Variants in CTBP1 observed in about 807,000 individuals in gnomAD.
CTBP1 encodes C-terminal-binding protein 1.
Under a neutral mutation model 42.1 loss-of-function variants are expected in CTBP1, and 11 were observed. The ratio of observed to expected loss-of-function variants is 0.26; its 90% CI spans 0.16 to 0.43. The LOEUF (loss-of-function observed/expected upper bound fraction) is 0.43, where lower values mean the gene tolerates loss of function less well. Among genes scored for constraint, CTBP1 ranks in the 20% least tolerant of loss-of-function variants. The pLI is 1.00. For missense variants in CTBP1, 399 were observed against 624.3 expected (o/e 0.64, Z 3.85); for synonymous variants, 324 against 277.1 (o/e 1.17, Z -1.68).
At chr4:1,213,434 C>T in intron 8 of CTBP1, 44 bp downstream of exon 8, 2 of 1,600,996 alleles carry the variant, frequency 1.2e-6, no homozygotes, top group East Asian at 4.5e-5. Flanking sequence ...CTGGGGCTGG[C>T]AGGAAGGGAC....
At chr4:1,218,528 C>T (rs1195972978) in intron 5 of CTBP1, 1 of 152,128 alleles carries the variant, frequency 6.6e-6, no homozygotes, top group East Asian at 1.9e-4. Context: ...CAGCCAGAAT[C>T]GGGGGGCGTA....
intron 3 of CTBP1, among the ~76,000 whole-genome samples, chr4:1,228,731 G>A (rs533644811): frequency 3.3e-5 from 5 of 152,182 alleles, no homozygotes; most frequent in African/African-American, 7.2e-5. Flanking sequence ...GGGGGGGTGC[G>A]GCCACACCCA....
Position 1,247,541 on chromosome 4 carries a change from C to T in CTBP1, c.-189+1375G>A, listed in dbSNP as rs576500724. The stretch of plus-strand genomic sequence containing the variant: ...AAGTTCCAGGACACAGAAAGGGGGA[C>T]CCCCAAACCGCAGCTGTCATCCTCA... On this transcript the variant is annotated intron_variant, in intron 1 of 9. Transcript: ENST00000382952. Among the ~76,000 whole-genome samples, 9 of 152,194 alleles carry T rather than the reference C, an allele frequency of 5.9e-5. No homozygotes were observed. In the South Asian group the frequency reaches 1.9e-3, roughly 32 times the overall value.
At chr4:1,237,990 C>T (rs558892623) in intron 3 of CTBP1, 193 bp downstream of exon 3, 12 of 772,274 alleles carry the variant, frequency 1.6e-5, no homozygotes, top group East Asian at 2.7e-5. Flanking sequence ...AGGGCAAACC[C>T]GATGTCCACC....
Position 1,211,933 on chromosome 4 carries a change from G to C in CTBP1, c.*307C>G, listed in dbSNP as rs1194526526. On this transcript the variant is annotated 3_prime_UTR_variant, in exon 10 of 10. Transcript: ENST00000382952. ...AAATGCTCCTTCAGGTTTTCTTTTTGTTGACAGCTAAGCAAACAGATCCTT... is the reference window on the plus strand; with the variant it reads ...AAATGCTCCTTCAGGTTTTCTTTTTCTTGACAGCTAAGCAAACAGATCCTT... 2 of 224,884 alleles carry C rather than the reference G, an allele frequency of 8.9e-6. No individual in the cohort carries two copies. Among genetic ancestry groups the C allele is most frequent in the Non-Finnish European group, 1.7e-5 (2 of 117,924 alleles). The allele number at this position is 224,884 out of a possible 1,614,324, so 13.9% of individuals were successfully genotyped here.
At chr4:1,237,039 T>C (rs1341842627) in intron 3 of CTBP1, 13 of 648,394 alleles carry the variant, frequency 2.0e-5, no homozygotes, top group Admixed American at 4.3e-5. Flanking sequence ...CACCTCCTGA[T>C]GGCGCTCAGG....
rs1044256153 is a variant in CTBP1, at chr4:1,228,413, G to A, written c.163-70C>T. The stretch of plus-strand genomic sequence containing the variant: ...CTCGGGCTTGGCCTTCGGGGGTGGG[G>A]CTGCCCCGGCTGGGAAATTAGCCTG... On this transcript the variant is annotated intron_variant, in intron 3 of 9. Coordinates refer to ENST00000382952, the MANE Select transcript of CTBP1 (RefSeq NM_001012614.2). 14 of 1,539,186 alleles carry A rather than the reference G, an allele frequency of 9.1e-6. No homozygotes were observed. In the Admixed American group the frequency reaches 2.4e-4, roughly 27 times the overall value.
Position 1,238,065 on chromosome 4 carries a change from G to A in CTBP1, c.162+118C>T. On this transcript the variant is annotated intron_variant, in intron 3 of 9. Transcript: ENST00000382952. This position sits in a 1 kb window ranked among gnomAD's most constrained non-coding sequence, Gnocchi z 5.9. ...GACGGCGCGGGACGACTGGGACAGA[G>A]GCTGCTCCTGCCCCAGTGGCACCCA... 7.5e-7 allele frequency: 1 copy of A among 1,336,024 alleles called. No homozygotes were observed. Among genetic ancestry groups the A allele is most frequent in the Non-Finnish European group, 1.1e-6 (1 of 935,958 alleles). 82.8% of individuals were successfully genotyped at this position (1,336,024 alleles called of 1,614,324 possible). A position where few individuals can be genotyped will look rare whatever the true frequency, so the allele number is the denominator to read the frequency against.
intron 1 of CTBP1, among the ~76,000 whole-genome samples, chr4:1,248,303 C>A (rs933288476): frequency 6.6e-6 from 1 of 151,808 alleles, no homozygotes; most frequent in Admixed American, 6.6e-5. Context: ...TCCCGCGTCA[C>A]CGCCGGGGGC....
chr4:1,222,947 T>A (rs1729916252), intron 5 of CTBP1, among the ~76,000 whole-genome samples: 1 of 151,654 alleles, frequency 6.6e-6, no homozygotes, highest in Admixed American at 6.6e-5. Context: ...CCCCCCCACA[T>A]CCCACAGTCC....
chr4:1,228,698 T>A (rs1730647278), intron 3 of CTBP1, among the ~76,000 whole-genome samples: 2 of 129,020 alleles, frequency 1.6e-5, no homozygotes, highest in Non-Finnish European at 3.4e-5. Flanking sequence ...AGAAACGGGG[T>A]CCCGCCTGGC....
At position 1,222,805 on chromosome 4, in the gene CTBP1, G is replaced by A. The variant is rs966162176; in HGVS notation, c.514+2555C>T. ...CTCAGAGTGGCCACGGGAAGAGCCC[G>A]GGGCCTTCAGGGCCGGGACCACAGA... On this transcript the variant is annotated intron_variant, in intron 5 of 9. Coordinates refer to ENST00000382952, the MANE Select transcript of CTBP1 (RefSeq NM_001012614.2). Among the ~76,000 whole-genome samples the A allele has an allele frequency of 1.4e-4, 21 of 152,216 alleles. 1 individual carries two copies. The highest frequency in any genetic ancestry group is 3.9e-4 in the East Asian group (2 of 5,162).
chr4:1,212,674 G>A (rs1280067260), intron 9 of CTBP1: 2 of 609,616 alleles, frequency 3.3e-6, no homozygotes, highest in Non-Finnish European at 5.7e-6. Context: ...TCCTCCCACA[G>A]GCCCCGTGCC....
rs746982015 is a variant in CTBP1, at chr4:1,243,501, A to C, written c.-188-1982T>G. 62 of 985,270 alleles carry C rather than the reference A, an allele frequency of 6.3e-5. No homozygotes were observed. The Middle Eastern group carries it at 4.6e-3, about 74-fold the overall frequency. The allele number at this position is 985,270 out of a possible 1,614,324, so 61.0% of individuals were successfully genotyped here. ...GAGGCCCAGCACCTGGTTCTCCTCC[A>C]GGGACCTCTGTCTCAGAAACAGCCC... is the stretch of plus-strand genomic sequence containing the variant. On this transcript the variant is annotated intron_variant, in intron 1 of 9. Coordinates refer to ENST00000382952, the MANE Select transcript of CTBP1 (RefSeq NM_001012614.2).
At chr4:1,212,599 G>A in intron 9 of CTBP1, 176 bp from the exon 10 acceptor site, 2 of 651,264 alleles carry the variant, frequency 3.1e-6, no homozygotes, top group Non-Finnish European at 5.0e-6. Context: ...CTCAGGGCTG[G>A]GGAGGGGAGC....
chr4:1,213,685 C>T, intron 7 of CTBP1, 80 bp from the exon 8 acceptor site: 3 of 1,530,892 alleles, frequency 2.0e-6, no homozygotes, highest in South Asian at 2.4e-5. Flanking sequence ...GCACTGGAAC[C>T]CCCTGTGGGG....
intron 5 of CTBP1, among the ~76,000 whole-genome samples, chr4:1,225,038 G>A (rs1308462444): frequency 3.3e-5 from 5 of 152,012 alleles, no homozygotes; most frequent in Admixed American, 3.3e-4. Flanking sequence ...TGAGTGCTGT[G>A]ACGTCCGTGT....
At chr4:1,213,823 A>G (rs1297123157) in intron 7 of CTBP1, 1 of 566,936 alleles carries the variant, frequency 1.8e-6, no homozygotes, top group Non-Finnish European at 3.0e-6. Flanking sequence ...TGGGAGCCCA[A>G]GGGATTTAAT....
chr4:1,243,832 C>CA (rs2108801349), intron 1 of CTBP1: 1 of 985,440 alleles, frequency 1.0e-6, no homozygotes, highest in East Asian at 1.1e-4. Context: ...TTTTCCTCAT[C>CA]AAAAACTCAC....
Sources: allele counts gnomAD v4.1 joint callset (sites outside exome capture counted in the v4.1 genomes callset), GRCh38; gene constraint gnomAD v4.1.1; non-coding constraint Gnocchi (gnomAD v3.1); transcripts MANE v1.5; gene names NCBI Gene and HGNC (gene_info 2026-07-23, HGNC 2026-07-21).